Variants in SNRPN observed in about 807,000 individuals in gnomAD.
SNRPN encodes small nuclear ribonucleoprotein-associated protein N.
Under a neutral mutation model 25.2 loss-of-function variants are expected in SNRPN, and 7 were observed. That is an observed-to-expected ratio of 0.28 (90% CI 0.16 to 0.52). The LOEUF (loss-of-function observed/expected upper bound fraction) is 0.52. Ranked by LOEUF, SNRPN falls within the 20% of genes least tolerant of loss-of-function variation. The pLI is 0.96. For synonymous variants in SNRPN, 124 were observed against 110.6 expected, an observed-to-expected ratio of 1.12 and a Z score of -0.76; for missense variants, 196 against 322.5, an observed-to-expected ratio of 0.61 and a Z score of 3.00.
At chr15:24,844,070 C>G (rs765827600) in intron 2 of SNRPN, among the ~76,000 whole-genome samples, 2 of 151,846 alleles carry the variant, frequency 1.3e-5, no homozygotes, top group Admixed American at 1.3e-4. Context: ...TATGGGAATC[C>G]CCGTTACTCC....
intron 2 of SNRPN, among the ~76,000 whole-genome samples, chr15:24,841,865 T>C (rs1437201073): frequency 6.6e-6 from 1 of 152,162 alleles, no homozygotes; most frequent in African/African-American, 2.4e-5. Context: ...GCTGTCTGAA[T>C]ACTCACCATT....
chr15:24,843,713 C>T (rs941434979), intron 2 of SNRPN, among the ~76,000 whole-genome samples: 2 of 151,728 alleles, frequency 1.3e-5, no homozygotes, highest in Admixed American at 6.6e-5. Flanking sequence ...CTTGAACCCA[C>T]GAGGCAGAGG....
chr15:24,831,643 T>C (rs55833608), intron 2 of SNRPN, among the ~76,000 whole-genome samples: 6,870 of 151,998 alleles, frequency 0.045, 502 homozygotes, highest in African/African-American at 0.15. Flanking sequence ...CTACCACCCT[T>C]AGGCCCTAGT....
upstream of SNRPN, among the ~76,000 whole-genome samples, chr15:24,954,078 AT>A (rs2062492592): frequency 1.3e-5 from 2 of 152,164 alleles, no homozygotes; most frequent in Admixed American, 1.3e-4. Context: ...CAGTTTCAGG[AT>A]TATTTTCTTC....
intron 2 of SNRPN, among the ~76,000 whole-genome samples, chr15:24,894,932 T>G (rs1013713380): frequency 6.6e-6 from 1 of 152,214 alleles, no homozygotes; most frequent in African/African-American, 2.4e-5. Flanking sequence ...ATCATGCAAG[T>G]TGATTTACTG....
intron 1 of SNRPN, among the ~76,000 whole-genome samples, chr15:24,958,058 T>G (rs1035453820): frequency 1.3e-5 from 2 of 152,190 alleles, no homozygotes; most frequent in African/African-American, 4.8e-5. Flanking sequence ...CTAACTGATT[T>G]GGATTTATTC....
intron 1 of SNRPN, among the ~76,000 whole-genome samples, chr15:24,878,548 C>T (rs2056236555): frequency 6.6e-6 from 1 of 152,222 alleles, no homozygotes; most frequent in Non-Finnish European, 1.5e-5. Flanking sequence ...AAGCGTTAAC[C>T]TGCGTTTTAC....
At chr15:24,978,136 T>G in intron 8 of SNRPN, 57 bp from the exon 9 acceptor site, 2 of 1,570,296 alleles carry the variant, frequency 1.3e-6, no homozygotes, top group South Asian at 1.1e-5. Context: ...TTGGGCTAAA[T>G]TCTAACTTTT....
At position 24,836,099 on chromosome 15, in the gene SNRPN, C is replaced by T. The variant is rs1461238961; in HGVS notation, c.-579+6194C>T. ...CAAGGTTGTATTCTTTGTGACCTCT[C>T]TACGTGGCTGGCAGATGGCCACCTT... On this transcript the variant is annotated intron_variant, in intron 2 of 12. Coordinates refer to the SNRPN transcript ENST00000400100. Among the ~76,000 whole-genome samples, 7 of 152,072 alleles carry T rather than the reference C, an allele frequency of 4.6e-5. No homozygotes were observed. The East Asian group carries it at 1.2e-3, about 25-fold the overall frequency.
intron 1 of SNRPN, among the ~76,000 whole-genome samples, chr15:24,826,836 C>A (rs2050120201): frequency 6.6e-6 from 1 of 151,918 alleles, no homozygotes; most frequent in African/African-American, 2.4e-5. Context: ...CAAATACAGT[C>A]TAAGAAGTGC....
Position 24,918,961 on chromosome 15 carries a change from G to A in SNRPN, c.-504-1050G>A, listed in dbSNP as rs867347833. ...CACATATATATAACATAATATATAT[G>A]CGCGCATATATATATAACATAATAT... On this transcript the variant is annotated intron_variant, in intron 2 of 11. Transcript: ENST00000400097. 2.8e-4 allele frequency among the ~76,000 whole-genome samples: 21 copies of A among 75,180 alleles called. 2 individuals carry two copies. The highest frequency in any genetic ancestry group is 9.8e-4 in the South Asian group (2 of 2,038). The allele number at this position is 75,180 out of a possible 152,430, so 49.3% of individuals were successfully genotyped here.
chr15:24,892,928 G>C (rs1010889545), intron 2 of SNRPN, among the ~76,000 whole-genome samples: 5 of 152,084 alleles, frequency 3.3e-5, no homozygotes, highest in Non-Finnish European at 7.4e-5. Flanking sequence ...GTTCCTATTG[G>C]CTGGGTGTGG....
At chr15:24,968,401 G>A in intron 3 of SNRPN, 1 of 183,670 alleles carries the variant, frequency 5.4e-6, no homozygotes, top group Non-Finnish European at 1.1e-5. Flanking sequence ...TTCCTTTTGT[G>A]GGAGGTGTCA....
intron 3 of SNRPN, chr15:24,968,472 T>G (rs1437589114): frequency 6.4e-6 from 1 of 157,384 alleles, no homozygotes; most frequent in Non-Finnish European, 1.4e-5. Context: ...AAACTTAGAA[T>G]AATTTTTTCA....
chr15:24,852,625 A>G (rs2052969944), upstream of SNRPN, among the ~76,000 whole-genome samples: 1 of 152,254 alleles, frequency 6.6e-6, no homozygotes. Flanking sequence ...AGTTAGAAGT[A>G]TTAACATAGG....
intron 1 of SNRPN, among the ~76,000 whole-genome samples, chr15:24,866,429 C>T (rs536811427): frequency 2.2e-4 from 34 of 152,174 alleles, no homozygotes; most frequent in South Asian, 1.5e-3. Context: ...CACAGGCTCT[C>T]GCTCTGCACC....
intron 3 of SNRPN, among the ~76,000 whole-genome samples, chr15:24,924,071 T>C (rs1395032831): frequency 6.6e-6 from 1 of 151,362 alleles, no homozygotes; most frequent in Non-Finnish European, 1.5e-5. Flanking sequence ...TCTTTCCTCC[T>C]GTACAGGAGG....
intron 1 of SNRPN, among the ~76,000 whole-genome samples, chr15:24,860,537 TCAC>T (rs2053897901): frequency 6.6e-6 from 1 of 152,172 alleles, no homozygotes; most frequent in South Asian, 2.1e-4. Context: ...GATAAACCCA[TCAC>T]AAGTTAAAAA....
rs1425514334 is a variant in SNRPN at position 24,929,126 on chromosome 15, C to G, written c.-391+9002C>G. 6.6e-6 allele frequency among the ~76,000 whole-genome samples: 1 copy of G among 152,030 alleles called. No individual in the cohort carries two copies. The highest frequency in any genetic ancestry group is 1.9e-4 in the East Asian group (1 of 5,182). On this transcript the variant is annotated intron_variant, in intron 3 of 11. Coordinates refer to the SNRPN transcript ENST00000400097. This position sits in a 1 kb window ranked among gnomAD's most constrained non-coding sequence, Gnocchi z 5.3. ...AGATATACGGGATATAAAGATATAG[C>G]TATATGTATGTGACTATATGTATTG...
Sources: gnomAD v4.1 joint callset for allele counts (sites outside exome capture counted in the v4.1 genomes callset) on GRCh38, gnomAD v4.1.1 for gene constraint, Gnocchi (gnomAD v3.1) non-coding constraint, MANE v1.5 for transcripts, NCBI Gene and HGNC (gene_info 2026-07-23, HGNC 2026-07-21) for gene names.